Variants in UBE4B observed in about 807,000 individuals in gnomAD.
The protein encoded by UBE4B is ubiquitination factor E4B, also known as ubiquitin conjugation factor E4 B.
In UBE4B, 27 loss-of-function variants were observed where a neutral mutation model predicts 148.1. That is an observed-to-expected ratio of 0.18 (90% CI 0.13 to 0.25). The LOEUF is 0.25. Among genes scored for constraint, UBE4B ranks in the 10% least tolerant of loss-of-function variants. The pLI, the probability that UBE4B is intolerant of heterozygous loss-of-function variation, is 1.00. For missense variants in UBE4B, 1,170 were observed against 1,662.4 expected, an observed-to-expected ratio of 0.70 and a Z score of 5.15; for synonymous variants, 596 against 619.3, an observed-to-expected ratio of 0.96 and a Z score of 0.56.
chr1:10,086,678 G>A (rs921553498), intron 2 of UBE4B, among the ~76,000 whole-genome samples: 21 of 151,998 alleles, frequency 1.4e-4, no homozygotes, highest in African/African-American at 4.8e-4. Flanking sequence ...CAACAGTGGT[G>A]GGATAAGGTT....
intron 22 of UBE4B, among the ~76,000 whole-genome samples, chr1:10,160,664 AGGCCAGGTGTGGT>A (rs1388459732): frequency 3.3e-5 from 5 of 152,162 alleles, no homozygotes; most frequent in African/African-American, 1.2e-4. Flanking sequence ...AACAAAATCC[AGGCCAGGTGTGGT>A]GGCTCATCTC....
intron 17 of UBE4B, among the ~76,000 whole-genome samples, chr1:10,143,339 T>C (rs1439867339): frequency 1.3e-5 from 2 of 151,998 alleles, no homozygotes; most frequent in Non-Finnish European, 2.9e-5. Flanking sequence ...GAGTCAGAGG[T>C]TGCAGTGAGC....
intron 9 of UBE4B, among the ~76,000 whole-genome samples, chr1:10,121,378 A>C (rs528165724): frequency 3.4e-4 from 52 of 152,220 alleles, no homozygotes; most frequent in South Asian, 2.7e-3. Flanking sequence ...ACAACAACAA[A>C]AAAAACATAT....
In UBE4B at chr1:10,072,026, A is replaced by G; in HGVS notation, c.25-2A>G. The G allele has an allele frequency of 6.3e-7, 1 of 1,575,924 alleles. No homozygotes were observed. The highest frequency in any genetic ancestry group is 8.6e-7 in the Non-Finnish European group (1 of 1,163,852). On this transcript the variant is annotated splice_acceptor_variant, in intron 1 of 27. Coordinates refer to ENST00000343090, the MANE Select transcript of UBE4B (RefSeq NM_001105562.3). LOFTEE classifies it high-confidence loss of function. ...GAATGCCCTTTTCCCCTCATGTTGT[A>G]GATTCGACGGAGGCGCCTTGCACGA... is the stretch of plus-strand genomic sequence containing the variant.
intron 7 of UBE4B, among the ~76,000 whole-genome samples, chr1:10,113,085 C>A (rs1645248050): frequency 6.6e-6 from 1 of 152,122 alleles, no homozygotes; most frequent in African/African-American, 2.4e-5. Flanking sequence ...CTCATGGTAC[C>A]TCAGGCTGTT....
intron 1 of UBE4B, among the ~76,000 whole-genome samples, chr1:10,067,452 G>A (rs1209897226): frequency 6.6e-6 from 1 of 152,010 alleles, no homozygotes; most frequent in Non-Finnish European, 1.5e-5. Flanking sequence ...ACTTAAAGGA[G>A]ATTATGCCAG....
rs368280932 is a variant in UBE4B, at chr1:10,102,961, G to T, written c.449G>T (p.Gly150Val). Reference sequence around the variant, plus strand: ...CTTCTTCACCAGGAGCCTTCCTCGGGCCCTGAAGTGTCTGAAGAGCAGGCC... The same window carrying T: ...CTTCTTCACCAGGAGCCTTCCTCGGTCCCTGAAGTGTCTGAAGAGCAGGCC... ...RSLSDKEPSS[G>V]PEVSEEQALQ... The change falls in exon 5 of 28, where the codon GGC becomes GTC. Residue 150 changes from glycine to valine, a missense_variant. Coordinates refer to ENST00000343090, the MANE Select transcript of UBE4B (RefSeq NM_001105562.3). The T allele has an allele frequency of 2.0e-5, 32 of 1,611,036 alleles. No individual in the cohort carries two copies. Among genetic ancestry groups the T allele is most frequent in the African/African-American group, 4.0e-5 (3 of 75,000 alleles).
intron 5 of UBE4B, among the ~76,000 whole-genome samples, chr1:10,105,264 C>CTA (rs1645086503): frequency 6.6e-6 from 1 of 152,152 alleles, no homozygotes; most frequent in Admixed American, 6.5e-5. Context: ...CAGGGAGTTC[C>CTA]TATATATACT....
At chr1:10,097,739 G>A (rs963434631) in intron 3 of UBE4B, among the ~76,000 whole-genome samples, 5 of 152,112 alleles carry the variant, frequency 3.3e-5, no homozygotes, top group African/African-American at 9.7e-5. Flanking sequence ...GAACTTGGGA[G>A]GTGGAGGTTG....
intron 17 of UBE4B, among the ~76,000 whole-genome samples, chr1:10,142,070 A>T (rs1229400184): frequency 6.6e-6 from 1 of 151,682 alleles, no homozygotes; most frequent in Non-Finnish European, 1.5e-5. Context: ...AAGCTCCACC[A>T]CATAATTAGA....
At chr1:10,073,920 ATTTTTTTTTTTT>A (rs947131085) in intron 2 of UBE4B, among the ~76,000 whole-genome samples, 5 of 74,852 alleles carry the variant, frequency 6.7e-5, no homozygotes, top group Admixed American at 1.8e-4. Context: ...CTTTCTTTCT[ATTTTTTTTTTTT>A]TTTTTTTTTT....
intron 7 of UBE4B, among the ~76,000 whole-genome samples, chr1:10,114,551 A>G (rs1645275121): frequency 6.6e-6 from 1 of 152,120 alleles, no homozygotes; most frequent in African/African-American, 2.4e-5. Flanking sequence ...AAGTATACCA[A>G]AAAATTAGTT....
At chr1:10,057,964 G>A (rs1289761604) in intron 1 of UBE4B, among the ~76,000 whole-genome samples, 3 of 152,060 alleles carry the variant, frequency 2.0e-5, no homozygotes, top group Admixed American at 1.3e-4. Flanking sequence ...CTGGACTGTC[G>A]GATGTGGGGT....
intron 1 of UBE4B, among the ~76,000 whole-genome samples, chr1:10,050,297 C>T (rs1469159808): frequency 6.6e-6 from 1 of 152,210 alleles, no homozygotes; most frequent in Non-Finnish European, 1.5e-5. Flanking sequence ...GTCTTGAACT[C>T]CTGACCTCAG....
chr1:10,085,056 C>T (rs933188337), intron 2 of UBE4B, among the ~76,000 whole-genome samples: 2 of 152,108 alleles, frequency 1.3e-5, no homozygotes, highest in Admixed American at 6.6e-5. Context: ...GATAAAGTTA[C>T]GATTTTGAAA....
chr1:10,152,628 T>C (rs1230104616), intron 21 of UBE4B, among the ~76,000 whole-genome samples: 1 of 151,700 alleles, frequency 6.6e-6, no homozygotes, highest in Non-Finnish European at 1.5e-5. Context: ...AGAAACCCCG[T>C]CTCTACTAAA....
chr1:10,093,430 A>C (rs924649859), intron 2 of UBE4B, among the ~76,000 whole-genome samples: 1 of 152,104 alleles, frequency 6.6e-6, no homozygotes, highest in Admixed American at 6.6e-5. Context: ...TGCTTTGTGT[A>C]TTTTACTTGA....
At chr1:10,171,609 C>T (rs1179843527) in intron 25 of UBE4B, among the ~76,000 whole-genome samples, 6 of 152,198 alleles carry the variant, frequency 3.9e-5, no homozygotes, top group South Asian at 2.1e-4. Flanking sequence ...CTCAAAAACA[C>T]GGTGGCTCAC....
At chr1:10,089,295 G>T (rs768096263) in intron 2 of UBE4B, among the ~76,000 whole-genome samples, 4 of 152,120 alleles carry the variant, frequency 2.6e-5, no homozygotes, top group East Asian at 3.9e-4. Flanking sequence ...ATGAGCCACC[G>T]TGCTCAGCCA....
Sources: gnomAD v4.1 joint callset for allele counts (sites outside exome capture counted in the v4.1 genomes callset) on GRCh38, gnomAD v4.1.1 for gene constraint, MANE v1.5 for transcripts, NCBI Gene and HGNC (gene_info 2026-07-23, HGNC 2026-07-21) for gene names.